Variants in CTNNA2 observed in about 807,000 individuals in gnomAD.
CTNNA2 encodes catenin alpha-2.
Under a neutral mutation model 101.0 loss-of-function variants are expected in CTNNA2, and 42 were observed. The ratio of observed to expected loss-of-function variants is 0.42; its 90% confidence interval spans 0.32 to 0.54. The LOEUF (loss-of-function observed/expected upper bound fraction) is 0.54. Ranked by LOEUF, CTNNA2 falls within the 20% of genes least tolerant of loss-of-function variation. The pLI, the probability that CTNNA2 is intolerant of heterozygous loss-of-function variation, is 0.14. For synonymous variants in CTNNA2, 450 were observed against 456.4 expected, an observed-to-expected ratio of 0.99 and a Z score of 0.18; for missense variants, 871 against 1,223.1, an observed-to-expected ratio of 0.71 and a Z score of 4.29.
At chr2:79,294,018 G>C (rs1467263035) in intron 2 of CTNNA2, among the ~76,000 whole-genome samples, 1 of 151,954 alleles carries the variant, frequency 6.6e-6, no homozygotes, top group Non-Finnish European at 1.5e-5. Flanking sequence ...TAGTCCGCTT[G>C]GTCTGCCATA....
chr2:80,569,578 T>A (rs965204941), intron 12 of CTNNA2, among the ~76,000 whole-genome samples: 13 of 151,384 alleles, frequency 8.6e-5, no homozygotes, highest in African/African-American at 3.1e-4. Context: ...AGCAGCATCA[T>A]ATTTGAGGAA....
At chr2:79,830,429 T>C (rs1357509769) in intron 3 of CTNNA2, among the ~76,000 whole-genome samples, 1 of 152,122 alleles carries the variant, frequency 6.6e-6, no homozygotes, top group African/African-American at 2.4e-5. Flanking sequence ...TAGGGAATCA[T>C]AGGCCAGTGG....
chr2:79,215,545 A>G (rs538332782), intron 2 of CTNNA2, among the ~76,000 whole-genome samples: 1 of 152,260 alleles, frequency 6.6e-6, no homozygotes, highest in East Asian at 1.9e-4. Context: ...TTGGGTAATA[A>G]AACGTATTTT....
At chr2:79,376,974 G>A (rs1677985465) in intron 4 of CTNNA2, among the ~76,000 whole-genome samples, 1 of 152,090 alleles carries the variant, frequency 6.6e-6, no homozygotes, top group South Asian at 2.1e-4. Context: ...ATAGCAGCAT[G>A]TTTTATAATC....
intron 2 of CTNNA2, among the ~76,000 whole-genome samples, chr2:79,732,442 C>A (rs150733171): frequency 6.6e-6 from 1 of 151,810 alleles, no homozygotes; most frequent in Non-Finnish European, 1.5e-5. Flanking sequence ...GCTTTATCTG[C>A]CAAATGTTAT....
At chr2:79,317,572 G>A (rs963387058) in intron 3 of CTNNA2, among the ~76,000 whole-genome samples, 5 of 152,014 alleles carry the variant, frequency 3.3e-5, no homozygotes, top group African/African-American at 1.2e-4. Flanking sequence ...TTTCATCAGA[G>A]TGTTCTACCA....
At chr2:79,338,614 T>TTCTTCTTCC (rs1323774091) in intron 3 of CTNNA2, among the ~76,000 whole-genome samples, 10 of 149,378 alleles carry the variant, frequency 6.7e-5, no homozygotes, top group Non-Finnish European at 1.2e-4. Context: ...CTTCTTCTTC[T>TTCTTCTTCC]TCTTCTTCTT....
At chr2:80,558,069 A>T (rs554948771) in intron 12 of CTNNA2, among the ~76,000 whole-genome samples, 1 of 152,134 alleles carries the variant, frequency 6.6e-6, no homozygotes, top group African/African-American at 2.4e-5. Context: ...ACTTTTCAGG[A>T]TTTATTGAAG....
chr2:80,073,795 A>G (rs770866517), intron 7 of CTNNA2, among the ~76,000 whole-genome samples: 1 of 150,990 alleles, frequency 6.6e-6, no homozygotes, highest in Non-Finnish European at 1.5e-5. Flanking sequence ...GTCATATCAC[A>G]TATGTTGTTT....
At chr2:80,438,266 G>A (rs149818330) in intron 9 of CTNNA2, among the ~76,000 whole-genome samples, 2 of 152,180 alleles carry the variant, frequency 1.3e-5, no homozygotes, top group East Asian at 3.9e-4. Context: ...TTGGATTAGG[G>A]CCCATCCTCA....
At chr2:80,186,313 A>T (rs7576232) in intron 7 of CTNNA2, among the ~76,000 whole-genome samples, 36,194 of 152,070 alleles carry the variant, frequency 0.24, 6,790 homozygotes, top group African/African-American at 0.52. Flanking sequence ...GTATAGAAGG[A>T]CTCCATTGCT....
chr2:79,718,948 G>A lies in CTNNA2; in HGVS notation c.103-25439G>A, dbSNP rs115735645. On this transcript the variant is annotated intron_variant, in intron 2 of 18. Coordinates refer to ENST00000402739, the MANE Select transcript of CTNNA2 (RefSeq NM_001282597.3). ...TTCAATTTTTATTTCTGATACAGGG[G>A]GTACATGTACAGGTTTGTTACATGG... Among the ~76,000 whole-genome samples the A allele has an allele frequency of 3.3e-3, 494 of 151,980 alleles. 1 individual carries two copies. Among genetic ancestry groups the A allele is most frequent in the African/African-American group, 0.012 (478 of 41,440 alleles).
At chr2:80,202,669 C>T (rs1404591754) in intron 7 of CTNNA2, among the ~76,000 whole-genome samples, 2 of 151,520 alleles carry the variant, frequency 1.3e-5, no homozygotes, top group Non-Finnish European at 2.9e-5. Flanking sequence ...TAGCACAAAG[C>T]TCAACTAATA....
intron 3 of CTNNA2, among the ~76,000 whole-genome samples, chr2:79,806,812 C>A (rs973805706): frequency 6.6e-6 from 1 of 151,998 alleles, no homozygotes; most frequent in Non-Finnish European, 1.5e-5. Context: ...GAGTTGAGAT[C>A]ATATTTTCAT....
chr2:79,251,892 C>T (rs180865620), intron 2 of CTNNA2, among the ~76,000 whole-genome samples: 14 of 152,296 alleles, frequency 9.2e-5, no homozygotes, highest in Admixed American at 2.0e-4. Flanking sequence ...ATTTGTTATA[C>T]AGCAATATAT....
At chr2:79,626,918 T>C (rs1279309404) in intron 1 of CTNNA2, among the ~76,000 whole-genome samples, 3 of 152,164 alleles carry the variant, frequency 2.0e-5, no homozygotes, top group East Asian at 1.9e-4. Context: ...GGAAATATTA[T>C]AGCAATAAAA....
At chr2:80,076,333 C>T (rs1015532245) in intron 7 of CTNNA2, among the ~76,000 whole-genome samples, 2 of 151,018 alleles carry the variant, frequency 1.3e-5, no homozygotes, top group Admixed American at 6.6e-5. Context: ...GGCTGGAGTA[C>T]AGTGGTGCAA....
At chr2:79,239,054 A>T (rs753376653) in intron 2 of CTNNA2, among the ~76,000 whole-genome samples, 38 of 152,268 alleles carry the variant, frequency 2.5e-4, no homozygotes, top group Non-Finnish European at 5.3e-4. Flanking sequence ...GCACCTATCA[A>T]CCCATCACCC....
chr2:80,323,032 T>C (rs2149249231), intron 7 of CTNNA2, among the ~76,000 whole-genome samples: 1 of 152,328 alleles, frequency 6.6e-6, no homozygotes, highest in South Asian at 2.1e-4. Flanking sequence ...AGCCATATTC[T>C]TGAAGAGAAG....
Sources: gnomAD v4.1 joint callset for allele counts (sites outside exome capture counted in the v4.1 genomes callset) on GRCh38, gnomAD v4.1.1 for gene constraint, MANE v1.5 for transcripts, NCBI Gene and HGNC (gene_info 2026-07-23, HGNC 2026-07-21) for gene names.